The following NRG1 variants were observed in gnomAD, a reference collection of about 807,000 sequenced individuals.
The protein encoded by NRG1 is neuregulin 1.
NRG1 carries 18 observed loss-of-function variants against 63.8 expected under a neutral mutation model. The ratio of observed to expected loss-of-function variants is 0.28; its 90% CI spans 0.19 to 0.42. NRG1 has a LOEUF of 0.42. Among genes scored for constraint, NRG1 ranks in the 10% least tolerant of loss-of-function variants. The probability of loss-of-function intolerance (pLI) is 1.00; values close to 1 mark genes in which losing one functional copy is unlikely to be tolerated. For synonymous variants in NRG1, 302 were observed against 301.3 expected (o/e 1.00, Z -0.02); for missense variants, 762 against 814.7 (o/e 0.94, Z 0.79).
chr8:31,739,103 T>G (rs1356661445), intron 1 of NRG1, among the ~76,000 whole-genome samples: 1 of 152,066 alleles, frequency 6.6e-6, no homozygotes, highest in Non-Finnish European at 1.5e-5. Flanking sequence ...GCAAAGACGT[T>G]TGTCTTCCCA....
Position 31,824,707 on chromosome 8 carries a change from T to A in NRG1, c.37+185276T>A, listed in dbSNP as rs998898956. ...AAAGCTAATTGTTTTAATAACAGTA[T>A]AATTGGCGAAAGGAAGTTATGTGTA... On this transcript the variant is annotated intron_variant, in intron 1 of 10. Coordinates refer to the NRG1 transcript ENST00000519301. 5.9e-5 allele frequency among the ~76,000 whole-genome samples: 9 copies of A among 152,382 alleles called. No homozygotes were observed. In the East Asian group the frequency reaches 1.7e-3, roughly 29 times the overall value.
intron 1 of NRG1, among the ~76,000 whole-genome samples, chr8:31,664,372 TA>T (rs1237921219): frequency 7.2e-5 from 11 of 152,074 alleles, no homozygotes; most frequent in African/African-American, 2.7e-4. Flanking sequence ...TACCAACGCA[TA>T]GAGTGGGAGG....
intron 1 of NRG1, among the ~76,000 whole-genome samples, chr8:32,142,200 A>G (rs1836363397): frequency 6.6e-6 from 1 of 152,216 alleles, no homozygotes; most frequent in African/African-American, 2.4e-5. Flanking sequence ...CTCTTCAGTC[A>G]GCTCATCTCA....
chr8:32,592,922 C>T (rs1349488748), intron 1 of NRG1, among the ~76,000 whole-genome samples: 1 of 152,094 alleles, frequency 6.6e-6, no homozygotes, highest in Non-Finnish European at 1.5e-5. Context: ...TCTTATCGAT[C>T]ACACAAACAG....
In NRG1 at chr8:31,805,652, C is replaced by T. The variant is rs372367641; in HGVS notation, c.37+166221C>T. Reference sequence around the variant, plus strand: ...GACCATCCTGGCTTACACGGTGAAACGCCGTGTCTACTAAAAATACAAAAA... The same window carrying T: ...GACCATCCTGGCTTACACGGTGAAATGCCGTGTCTACTAAAAATACAAAAA... On this transcript the variant is annotated intron_variant, in intron 1 of 10. Transcript: ENST00000519301. 5.9e-5 allele frequency among the ~76,000 whole-genome samples: 9 copies of T among 151,716 alleles called. No homozygotes were observed. The East Asian group carries it at 7.8e-4, about 13-fold the overall frequency.
At chr8:32,646,643 C>G (rs1250367596) in intron 5 of NRG1, 1 of 969,838 alleles carries the variant, frequency 1.0e-6, no homozygotes, top group African/African-American at 1.8e-5. Context: ...AGACTGAAAG[C>G]TGGCAAGGTG....
chr8:32,555,620 C>T (rs1834995479), intron 1 of NRG1, among the ~76,000 whole-genome samples: 3 of 152,272 alleles, frequency 2.0e-5, no homozygotes, highest in East Asian at 3.9e-4. Flanking sequence ...TACAGGCGCC[C>T]ACCACCACGC....
At chr8:32,231,677 G>C (rs1460501051) in intron 1 of NRG1, among the ~76,000 whole-genome samples, 1 of 151,990 alleles carries the variant, frequency 6.6e-6, no homozygotes, top group Non-Finnish European at 1.5e-5. Flanking sequence ...AAGGTGGGTG[G>C]ATTACCTGAG....
At chr8:32,543,264 CAAAT>C (rs1409506093), upstream of NRG1, among the ~76,000 whole-genome samples, 8 of 151,956 alleles carry the variant, frequency 5.3e-5, no homozygotes, top group Admixed American at 2.6e-4. Flanking sequence ...TATTGACACA[CAAAT>C]AAACAGATGT....
intron 1 of NRG1, among the ~76,000 whole-genome samples, chr8:32,251,392 CT>C (rs35548376): frequency 0.64 from 97,569 of 151,908 alleles, 31,620 homozygotes; most frequent in Admixed American, 0.75. Context: ...CAAACTCAAC[CT>C]TTTTTATGGT....
At chr8:32,760,307 G>A (rs1195345253) in exon 11 of NRG1, 1 of 1,614,028 alleles carries the variant, frequency 6.2e-7, no homozygotes, top group South Asian at 1.1e-5. Flanking sequence ...GGCCCAAGAG[G>A]ACGTCTTAAT....
At chr8:32,398,143 A>G (rs914561540) in intron 1 of NRG1, among the ~76,000 whole-genome samples, 2 of 152,158 alleles carry the variant, frequency 1.3e-5, no homozygotes, top group Non-Finnish European at 2.9e-5. Context: ...TTTAGTTTAT[A>G]TATGGATTTT....
At chr8:32,510,597 G>T (rs768967659) in intron 1 of NRG1, among the ~76,000 whole-genome samples, 1 of 152,114 alleles carries the variant, frequency 6.6e-6, no homozygotes, top group Non-Finnish European at 1.5e-5. Context: ...GGAGTAGAAG[G>T]TGAGGAAATG....
intron 5 of NRG1, among the ~76,000 whole-genome samples, chr8:32,710,751 C>G (rs979766533): frequency 1.3e-5 from 2 of 152,132 alleles, no homozygotes; most frequent in Non-Finnish European, 2.9e-5. Context: ...ATACTTTAGT[C>G]TAACTACTCA....
intron 5 of NRG1, among the ~76,000 whole-genome samples, chr8:32,704,191 T>C (rs1001320399): frequency 1.3e-5 from 2 of 152,196 alleles, no homozygotes; most frequent in African/African-American, 2.4e-5. Context: ...CATCTCCCAA[T>C]GTCCTCTGGG....
chr8:32,446,839 C>A (rs1226641775), intron 1 of NRG1, among the ~76,000 whole-genome samples: 1 of 151,918 alleles, frequency 6.6e-6, no homozygotes, highest in Admixed American at 6.6e-5. Context: ...CATTTCCATG[C>A]AAAGCTTCTC....
chr8:32,352,950 A>G (rs1041075944), intron 1 of NRG1, among the ~76,000 whole-genome samples: 9 of 115,182 alleles, frequency 7.8e-5, no homozygotes, highest in African/African-American at 1.9e-4. Flanking sequence ...GTGTGTGTGT[A>G]TATATATATA....
chr8:32,621,729 G>T (rs1174584584), intron 5 of NRG1, among the ~76,000 whole-genome samples: 1 of 152,202 alleles, frequency 6.6e-6, no homozygotes, highest in Non-Finnish European at 1.5e-5. Context: ...TGTGCCAGGT[G>T]TTGTGCTAGA....
intron 6 of NRG1, among the ~76,000 whole-genome samples, chr8:32,741,722 G>A (rs1295207625): frequency 6.6e-6 from 1 of 152,248 alleles, no homozygotes; most frequent in Admixed American, 6.5e-5. Flanking sequence ...AAGGGAAATT[G>A]ACAGCTCTCC....
Sources: allele counts gnomAD v4.1 joint callset (sites outside exome capture counted in the v4.1 genomes callset), GRCh38; gene constraint gnomAD v4.1.1; transcripts MANE v1.5; gene names NCBI Gene and HGNC (gene_info 2026-07-23, HGNC 2026-07-21).